The following AGBL2 variants were observed in gnomAD, a reference collection of about 807,000 sequenced individuals.
The protein encoded by AGBL2 is cytosolic carboxypeptidase 2.
AGBL2 carries 87 observed loss-of-function variants against 103.0 expected under a neutral mutation model. The observed-to-expected ratio is 0.84, with a 90% confidence interval of 0.71 to 1.01. The LOEUF is 1.01. Ranked by LOEUF, AGBL2 falls within the 50% of genes least tolerant of loss-of-function variation. AGBL2 has a pLI of 0.00. For synonymous variants in AGBL2, 335 were observed against 356.7 expected (o/e 0.94, Z 0.69); for missense variants, 904 against 1,023.5 (o/e 0.88, Z 1.59).
In AGBL2 at chr11:47,705,875, G is replaced by C; in HGVS notation, c.275C>G (p.Ala92Gly). The change falls in exon 5 of 19, where the codon GCC (alanine) becomes GGC (glycine). Residue 92 changes from alanine to glycine, a missense_variant. Coordinates refer to ENST00000525123, the MANE Select transcript of AGBL2 (RefSeq NM_024783.4). ...AGGACATGAAATACCTCTGTTGATG[G>C]CTTCTATCTGTCTGTGCACAGCTGA... ...LSSAVHRQIE[A>G]INRDFHSCLG... 6.2e-7 allele frequency: 1 copy of C among 1,613,958 alleles called. No individual in the cohort carries two copies. Among genetic ancestry groups the C allele is most frequent in the South Asian group, 1.1e-5 (1 of 91,080 alleles).
intron 14 of AGBL2, 76 bp from the exon 15 acceptor site, chr11:47,668,983 G>T: frequency 1.0e-6 from 1 of 982,626 alleles, no homozygotes; most frequent in Non-Finnish European, 1.6e-6. Context: ...TACCAGACCA[G>T]CTGTATGGGA....
chr11:47,679,636 A>G lies in AGBL2; in HGVS notation c.2016+337T>C, dbSNP rs144841722. Among the ~76,000 whole-genome samples, 123 of 151,242 alleles carry G rather than the reference A, an allele frequency of 8.1e-4. No homozygotes were observed. The East Asian group carries it at 0.024, about 29-fold the overall frequency. On this transcript the variant is annotated intron_variant, in intron 13 of 18. Coordinates refer to ENST00000525123, the MANE Select transcript of AGBL2 (RefSeq NM_024783.4). ...GGACCCATGTGAAACTGACCACAGC[A>G]TCATCATCACATTTCTTTTTTTTTT... is the stretch of plus-strand genomic sequence containing the variant.
chr11:47,675,375 GTTTTTTTTTTTTTT>G (rs34044161), intron 14 of AGBL2, among the ~76,000 whole-genome samples: 2 of 55,100 alleles, frequency 3.6e-5, no homozygotes, highest in Non-Finnish European at 6.1e-5. Flanking sequence ...CCCCTGCTAA[GTTTTTTTTTTTTTT>G]TTTTTTTTTT....
intron 14 of AGBL2, among the ~76,000 whole-genome samples, chr11:47,673,423 C>T (rs1169349603): frequency 1.3e-5 from 2 of 151,810 alleles, no homozygotes; most frequent in East Asian, 3.9e-4. Context: ...GTCGGGAGTT[C>T]GAGACCAGCC....
chr11:47,680,165 C>T, intron 12 of AGBL2, 92 bp from the exon 13 acceptor site: 1 of 869,916 alleles, frequency 1.1e-6, no homozygotes, highest in South Asian at 1.6e-5. Context: ...AAAAATACCA[C>T]CACTGGCCAG....
intron 10 of AGBL2, 73 bp downstream of exon 10, chr11:47,690,003 C>T: frequency 7.5e-7 from 1 of 1,325,912 alleles, no homozygotes; most frequent in South Asian, 1.4e-5. Context: ...AGACCTCATA[C>T]CCCATCAGGT....
intron 8 of AGBL2, among the ~76,000 whole-genome samples, chr11:47,695,488 A>AAC (rs2097465184): frequency 6.7e-6 from 1 of 150,022 alleles, no homozygotes; most frequent in African/African-American, 2.4e-5. Flanking sequence ...AAAAAAAAAA[A>AAC]AAAAAAACAG....
Position 47,668,830 on chromosome 11 carries a change from G to A in AGBL2, c.2214+11C>T. The A allele has an allele frequency of 1.2e-6, 2 of 1,609,584 alleles. No individual in the cohort carries two copies. Among genetic ancestry groups the A allele is most frequent in the Non-Finnish European group, 1.7e-6 (2 of 1,176,232 alleles). On this transcript the variant is annotated intron_variant, in intron 15 of 18. Transcript: ENST00000525123. ...AGGCTGCTATTTCCTGGGTATAAGAGTTCAGCTTACCTCATCTGCTATGTT... is the reference window on the plus strand; with the variant it reads ...AGGCTGCTATTTCCTGGGTATAAGAATTCAGCTTACCTCATCTGCTATGTT...
At position 47,712,825 on chromosome 11, in the gene AGBL2, A is replaced by C. The variant is rs185126803; in HGVS notation, c.97+1459T>G. Among the ~76,000 whole-genome samples the C allele has an allele frequency of 3.3e-5, 5 of 152,232 alleles. No individual in the cohort carries two copies. The East Asian group carries it at 9.6e-4, about 29-fold the overall frequency. Reference sequence around the variant, plus strand: ...GAGGCTGAGGTGGGTGGATCACCTGAGGTCAGTTCGAGACCAGCCTGGCCA... The same window carrying C: ...GAGGCTGAGGTGGGTGGATCACCTGCGGTCAGTTCGAGACCAGCCTGGCCA... On this transcript the variant is annotated intron_variant, in intron 3 of 18. Transcript: ENST00000525123.
At chr11:47,703,996 G>C (rs1420230859) in intron 7 of AGBL2, among the ~76,000 whole-genome samples, 2 of 151,846 alleles carry the variant, frequency 1.3e-5, no homozygotes, top group African/African-American at 4.8e-5. Flanking sequence ...CAGCTACTTG[G>C]GGGGCTTAGG....
intron 8 of AGBL2, among the ~76,000 whole-genome samples, chr11:47,696,010 C>CAAAAAAAAAAAAAAAAAAAAAAAA (rs1171058500): frequency 1.2e-4 from 2 of 17,198 alleles, no homozygotes; most frequent in Non-Finnish European, 1.9e-4. Flanking sequence ...ACTAAAAATA[C>CAAAAAAAAAAAAAAAAAAAAAAAA]AAAAAAAAAA....
At chr11:47,675,768 G>A (rs1222419196) in intron 14 of AGBL2, among the ~76,000 whole-genome samples, 1 of 152,064 alleles carries the variant, frequency 6.6e-6, no homozygotes, top group African/African-American at 2.4e-5. Flanking sequence ...CACTTTGGGA[G>A]GCTGAGGCGG....
chr11:47,714,331 T>A lies in AGBL2; in HGVS notation c.50A>T (p.Tyr17Phe), dbSNP rs1184909750. 14 of 1,612,708 alleles carry A rather than the reference T, an allele frequency of 8.7e-6. No individual in the cohort carries two copies. The highest frequency in any genetic ancestry group is 1.1e-5 in the Non-Finnish European group (13 of 1,179,404). The change falls in exon 3 of 19, where the codon TAT (tyrosine) becomes TTT (phenylalanine). Residue 17 changes from tyrosine to phenylalanine, a missense_variant. Transcript: ENST00000525123. ...GAGGTGACGGTACATAAAGTCTTCA[T>A]AAGGATCAGGAATAGTCTGTGAAAG... The part of the protein sequence containing the change: ...THLKQTIPDP[Y>F]EDFMYRHLQY...
intron 13 of AGBL2, among the ~76,000 whole-genome samples, chr11:47,678,787 G>A (rs2097388762): frequency 6.6e-6 from 1 of 151,718 alleles, no homozygotes; most frequent in Admixed American, 6.6e-5. Context: ...GCTGGGCACA[G>A]TGGCTCGCGC....
intron 13 of AGBL2, among the ~76,000 whole-genome samples, chr11:47,677,811 G>T (rs1022214668): frequency 2.0e-5 from 3 of 151,904 alleles, no homozygotes; most frequent in Non-Finnish European, 4.4e-5. Flanking sequence ...TTTATTTATT[G>T]CTGGGAACAC....
At chr11:47,679,055 T>C (rs1287896571) in intron 13 of AGBL2, among the ~76,000 whole-genome samples, 2 of 43,920 alleles carry the variant, frequency 4.6e-5, no homozygotes, top group Non-Finnish European at 3.4e-5. Context: ...GGAGACCCTG[T>C]CTCAAAAAAA....
intron 14 of AGBL2, among the ~76,000 whole-genome samples, chr11:47,671,996 G>C (rs2097359065): frequency 6.6e-6 from 1 of 152,188 alleles, no homozygotes; most frequent in Non-Finnish European, 1.5e-5. Context: ...TGAGGCAGAG[G>C]CTGGCAAATT....
At chr11:47,666,332 T>G (rs1159699761) in intron 17 of AGBL2, among the ~76,000 whole-genome samples, 1 of 149,592 alleles carries the variant, frequency 6.7e-6, no homozygotes, top group Non-Finnish European at 1.5e-5. Context: ...AGGTGGAAGT[T>G]GCAGTGAGCT....
At chr11:47,666,911 G>C (rs2097342707) in intron 17 of AGBL2, 45 bp downstream of exon 17, 2 of 1,235,298 alleles carry the variant, frequency 1.6e-6, no homozygotes, top group East Asian at 4.7e-5. Flanking sequence ...TAATTCGAGA[G>C]GTTAGAGAAT....
Sources: allele counts gnomAD v4.1 joint callset (sites outside exome capture counted in the v4.1 genomes callset), GRCh38; gene constraint gnomAD v4.1.1; transcripts MANE v1.5; gene names NCBI Gene and HGNC (gene_info 2026-07-23, HGNC 2026-07-21).